Variants in KDM1B observed in about 807,000 individuals in gnomAD.
KDM1B encodes lysine-specific histone demethylase 2.
KDM1B carries 63 observed loss-of-function variants against 107.4 expected under a neutral mutation model. That is an observed-to-expected ratio of 0.59 (90% confidence interval 0.48 to 0.72). The LOEUF (loss-of-function observed/expected upper bound fraction) is 0.72. Among genes scored for constraint, KDM1B ranks in the 30% least tolerant of loss-of-function variants. The probability of loss-of-function intolerance (pLI) is 0.00; values close to 1 mark genes in which losing one functional copy is unlikely to be tolerated. For synonymous variants in KDM1B, 363 were observed against 363.9 expected (o/e 1.00, Z 0.03); for missense variants, 749 against 1,020.8 (o/e 0.73, Z 3.63).
chr6:18,177,224 G>A (rs966324770), intron 7 of KDM1B, among the ~76,000 whole-genome samples: 1 of 152,086 alleles, frequency 6.6e-6, no homozygotes, highest in African/African-American at 2.4e-5. Context: ...ATTTGTCCAT[G>A]TCTTCTAGGT....
Position 18,194,603 on chromosome 6 carries a change from AT to A in KDM1B, c.970-2445del, listed in dbSNP as rs759622415. ...GTGATGGATTTGAATAACCTGGAGA[AT>A]TTTTTTTTAAATTATTGTGGTTAAA... On this transcript the variant is annotated intron_variant, in intron 10 of 21. Coordinates refer to ENST00000650836, the MANE Select transcript of KDM1B (RefSeq NM_001364614.2). 4.6e-5 allele frequency among the ~76,000 whole-genome samples: 7 copies of A among 151,834 alleles called. No homozygotes were observed. In the East Asian group the frequency reaches 7.7e-4, roughly 17 times the overall value.
chr6:18,168,741 C>T (rs571902077), intron 6 of KDM1B, among the ~76,000 whole-genome samples: 2 of 152,186 alleles, frequency 1.3e-5, no homozygotes, highest in Non-Finnish European at 2.9e-5. Flanking sequence ...GATTTTTCCA[C>T]GGGTTTGAAG....
Position 18,198,225 on chromosome 6 carries a change from C to T in KDM1B, c.1221+564C>T, listed in dbSNP as rs974936509. ...TAGAAGTTCTTGACAGATTATTATTCGCACAATAGACATGATGAGAAAAAG... is the reference window on the plus strand; with the variant it reads ...TAGAAGTTCTTGACAGATTATTATTTGCACAATAGACATGATGAGAAAAAG... On this transcript the variant is annotated intron_variant, in intron 12 of 21. Coordinates refer to ENST00000650836, the MANE Select transcript of KDM1B (RefSeq NM_001364614.2). Among the ~76,000 whole-genome samples, 10 of 151,320 alleles carry T rather than the reference C, an allele frequency of 6.6e-5. No individual in the cohort carries two copies. The East Asian group carries it at 9.8e-4, about 15-fold the overall frequency.
intron 20 of KDM1B, among the ~76,000 whole-genome samples, chr6:18,215,998 C>T (rs1397027184): frequency 6.6e-6 from 1 of 152,036 alleles, no homozygotes; most frequent in Non-Finnish European, 1.5e-5. Context: ...AATAAAGGAG[C>T]AGAAATAGAA....
Position 18,200,678 on chromosome 6 carries a change from C to T in KDM1B, c.1359+102C>T. 1 of 990,114 alleles carries T rather than the reference C, an allele frequency of 1.0e-6. No homozygotes were observed. The highest frequency in any genetic ancestry group is 2.6e-5 in the East Asian group (1 of 38,544). 61.3% of individuals were successfully genotyped at this position (990,114 alleles called of 1,614,324 possible). On this transcript the variant is annotated intron_variant, in intron 13 of 21. Coordinates refer to ENST00000650836, the MANE Select transcript of KDM1B (RefSeq NM_001364614.2). This position sits in a 1 kb window ranked among gnomAD's most constrained non-coding sequence, Gnocchi z 4.3. Reference sequence around the variant, plus strand: ...TGCTTCTAAAGTAAATTACATATAACAGCCCCCTCATCTCCTATGCAAAGC... The same window carrying T: ...TGCTTCTAAAGTAAATTACATATAATAGCCCCCTCATCTCCTATGCAAAGC...
intron 14 of KDM1B, among the ~76,000 whole-genome samples, chr6:18,202,087 T>C (rs1029647731): frequency 6.6e-6 from 1 of 152,120 alleles, no homozygotes; most frequent in Non-Finnish European, 1.5e-5. Flanking sequence ...ATTTTAAGAA[T>C]GCAAGAGTAT....
intron 9 of KDM1B, among the ~76,000 whole-genome samples, chr6:18,190,695 C>T (rs924358335): frequency 6.6e-6 from 1 of 152,008 alleles, no homozygotes; most frequent in African/African-American, 2.4e-5. Flanking sequence ...GAGGCCAGTA[C>T]CTTGAAACCA....
At chr6:18,196,692 C>T (rs975680083) in intron 10 of KDM1B, among the ~76,000 whole-genome samples, 1 of 152,142 alleles carries the variant, frequency 6.6e-6, no homozygotes, top group Non-Finnish European at 1.5e-5. Context: ...CTTTCCTTGT[C>T]ATTATTTCCT....
chr6:18,178,223 C>G (rs985440112), intron 7 of KDM1B, among the ~76,000 whole-genome samples: 4 of 151,586 alleles, frequency 2.6e-5, no homozygotes, highest in Non-Finnish European at 5.9e-5. Flanking sequence ...GCTGGGATTA[C>G]AGGCACCCAC....
Position 18,171,406 on chromosome 6 carries a change from C to G in KDM1B, c.461C>G (p.Thr154Ser), listed in dbSNP as rs1242566263. Residue 154 changes from threonine to serine, a missense_variant, in exon 7 of 22, where the codon ACC becomes AGC. Thr to Ser is a moderately conservative substitution (Grantham distance 58). Transcript: ENST00000650836. ...KPECRKWRQL[T>S]KEIQLTPQIA... The stretch of plus-strand genomic sequence containing the variant: ...GAGTGTAGAAAATGGAGGCAGCTTA[C>G]CAAGGAAATCCAGCTTACTCCACAG... The G allele has an allele frequency of 1.2e-6, 2 of 1,613,306 alleles. No individual in the cohort carries two copies. Among genetic ancestry groups the G allele is most frequent in the Admixed American group, 1.7e-5 (1 of 60,008 alleles).
intron 9 of KDM1B, 48 bp downstream of exon 9, chr6:18,188,050 C>T: frequency 1.3e-6 from 2 of 1,486,708 alleles, no homozygotes; most frequent in Non-Finnish European, 1.8e-6. Flanking sequence ...CCGCTCCCCT[C>T]CCTGAGGAAC....
chr6:18,178,064 G>C (rs1294007939), intron 7 of KDM1B, among the ~76,000 whole-genome samples: 1 of 151,836 alleles, frequency 6.6e-6, no homozygotes, highest in Non-Finnish European at 1.5e-5. Context: ...TCCTGTAATT[G>C]TAGATAAAAT....
In KDM1B at chr6:18,222,208, G is replaced by A. The variant is rs746484275; in HGVS notation, c.*216G>A. On this transcript the variant is annotated 3_prime_UTR_variant, in exon 22 of 22. Transcript: ENST00000650836. ...CTTAGATTTAATTGCATTTTCCATAGGTTCAACTACTGCTGAAAGTCTGGA... is the reference window on the plus strand; with the variant it reads ...CTTAGATTTAATTGCATTTTCCATAAGTTCAACTACTGCTGAAAGTCTGGA... The A allele has an allele frequency of 1.7e-5, 11 of 657,054 alleles. No individual in the cohort carries two copies. The highest frequency in any genetic ancestry group is 2.8e-5 in the Non-Finnish European group (10 of 356,394). 40.7% of individuals were successfully genotyped at this position (657,054 alleles called of 1,614,324 possible).
At chr6:18,219,028 G>A (rs917184388) in intron 21 of KDM1B, among the ~76,000 whole-genome samples, 2 of 151,760 alleles carry the variant, frequency 1.3e-5, no homozygotes, top group Non-Finnish European at 2.9e-5. Context: ...TCAGCCTCCC[G>A]AATAGCTGGG....
chr6:18,167,332 G>T (rs1785366632), intron 6 of KDM1B, among the ~76,000 whole-genome samples: 1 of 151,658 alleles, frequency 6.6e-6, no homozygotes, highest in Non-Finnish European at 1.5e-5. Flanking sequence ...ACTCCAGCCT[G>T]GTGACAGAGT....
chr6:18,188,487 A>C (rs1308363095), intron 9 of KDM1B, among the ~76,000 whole-genome samples: 1 of 152,224 alleles, frequency 6.6e-6, no homozygotes, highest in African/African-American at 2.4e-5. Flanking sequence ...GTTTTCAACT[A>C]TATGAGCAGT....
intron 2 of KDM1B, among the ~76,000 whole-genome samples, chr6:18,157,834 A>ATGGAGTCTCACTCTGTTGCCGAGGC (rs1561899969): frequency 9.3e-6 from 1 of 107,018 alleles, no homozygotes; most frequent in Non-Finnish European, 1.8e-5. Context: ...TTTTTTTGAG[A>ATGGAGTCTCACTCTGTTGCCGAGGC]TGGAGTCTCA....
chr6:18,167,052 T>A (rs560931783), intron 6 of KDM1B, among the ~76,000 whole-genome samples: 44 of 152,102 alleles, frequency 2.9e-4, no homozygotes, highest in African/African-American at 1.1e-3. Context: ...TTTTGTAATG[T>A]TTAGCTTTTT....
chr6:18,221,010 G>T (rs1789679951), intron 21 of KDM1B, among the ~76,000 whole-genome samples: 1 of 151,944 alleles, frequency 6.6e-6, no homozygotes, highest in South Asian at 2.1e-4. Context: ...CTCCCAAAGT[G>T]TTGGGATTAC....
Sources: gnomAD v4.1 joint callset for allele counts (sites outside exome capture counted in the v4.1 genomes callset) on GRCh38, gnomAD v4.1.1 for gene constraint, Gnocchi (gnomAD v3.1) non-coding constraint, MANE v1.5 for transcripts, NCBI Gene and HGNC (gene_info 2026-07-23, HGNC 2026-07-21) for gene names.